CACNA1D: variants seen among roughly 807,000 people sequenced by gnomAD.
CACNA1D encodes voltage-dependent L-type calcium channel subunit alpha-1D.
CACNA1D carries 55 observed loss-of-function variants against 257.1 expected under a neutral mutation model. The ratio of observed to expected loss-of-function variants is 0.21; its 90% confidence interval spans 0.17 to 0.27. The LOEUF (loss-of-function observed/expected upper bound fraction) is 0.27. CACNA1D is among the 10% of genes least tolerant of loss of function. CACNA1D has a pLI of 1.00. For synonymous variants in CACNA1D, 980 were observed against 1,014.9 expected (o/e 0.97, Z 0.65); for missense variants, 1,876 against 2,784.0 (o/e 0.67, Z 7.34).
Position 53,776,642 on chromosome 3 carries a change from G to A in CACNA1D, c.4402G>A (p.Asp1468Asn). 3 of 1,614,082 alleles carry A rather than the reference G, an allele frequency of 1.9e-6. No homozygotes were observed. Among genetic ancestry groups the A allele is most frequent in the Non-Finnish European group, 2.5e-6 (3 of 1,180,018 alleles). The change falls in exon 36 of 48, where the codon GAC (aspartate) becomes AAC (asparagine). Residue 1468 changes from aspartate (D) to asparagine (N), a missense_variant. By Grantham distance (23) the Asp-to-Asn change is conservative. Coordinates refer to ENST00000350061, the MANE Select transcript of CACNA1D (RefSeq NM_001128840.3). ...TGTGGCTGTCATCATGGATAATTTC[G>A]ACTATCTGACCCGGGACTGGTCTAT... ...LFVAVIMDNF[D>N]YLTRDWSILG...
chr3:53,730,498 A>C lies in CACNA1D; in HGVS notation c.2278A>C (p.Ser760Arg), dbSNP rs1356667837. 1.2e-6 allele frequency: 2 copies of C among 1,614,092 alleles called. No homozygotes were observed. Among genetic ancestry groups the C allele is most frequent in the Non-Finnish European group, 1.7e-6 (2 of 1,180,010 alleles). Residue 760 changes from serine (S) to arginine (R), a missense_variant, in exon 16 of 48, where the codon AGT (serine) becomes CGT (arginine). Ser to Arg is a moderately radical substitution (Grantham distance 110). Around this residue, in one of 10 missense-constraint regions of CACNA1D, gnomAD observed 257 missense variants for 399.7 expected, o/e 0.64. Coordinates refer to ENST00000350061, the MANE Select transcript of CACNA1D (RefSeq NM_001128840.3). Reference sequence around the variant, plus strand: ...TGTAGACAATTTGGCTGATGCTGAAAGTCTGAACACTGCTCAGAAAGAAGA... The same window carrying C: ...TGTAGACAATTTGGCTGATGCTGAACGTCTGAACACTGCTCAGAAAGAAGA... ...IAVDNLADAESLNTAQKEEAE... is the reference protein window; with the variant it reads ...IAVDNLADAERLNTAQKEEAE...
intron 3 of CACNA1D, among the ~76,000 whole-genome samples, chr3:53,598,792 C>T (rs1283113183): frequency 2.0e-5 from 3 of 152,126 alleles, no homozygotes; most frequent in Admixed American, 2.0e-4. Context: ...GAGGCTGGGC[C>T]ATAGCTGGCA....
At chr3:53,501,762 A>G in intron 3 of CACNA1D, 42 bp downstream of exon 3, 1 of 1,113,582 alleles carries the variant, frequency 9.0e-7, no homozygotes, top group Non-Finnish European at 1.4e-6. Context: ...GTATATGGTT[A>G]TCATTTGCTT....
At chr3:53,756,269 A>G (rs1276050902) in intron 29 of CACNA1D, among the ~76,000 whole-genome samples, 1 of 152,184 alleles carries the variant, frequency 6.6e-6, no homozygotes, top group Non-Finnish European at 1.5e-5. Flanking sequence ...TTGATGGAGA[A>G]ACTGGGCCTC....
intron 3 of CACNA1D, among the ~76,000 whole-genome samples, chr3:53,620,382 C>T (rs952077408): frequency 1.3e-5 from 2 of 152,218 alleles, no homozygotes; most frequent in Admixed American, 1.3e-4. Flanking sequence ...CCTTGAATTC[C>T]TGGGCTCAAG....
Position 53,673,770 on chromosome 3 carries a change from C to G in CACNA1D, c.1220+644C>G. ...GGTGTATTTTGTTAGTCTGATCATCCTTGGCTCATTTTTCGTCCTTAACCT... is the reference window on the plus strand; with the variant it reads ...GGTGTATTTTGTTAGTCTGATCATCGTTGGCTCATTTTTCGTCCTTAACCT... On this transcript the variant is annotated intron_variant, in intron 8 of 47. Transcript: ENST00000350061. This position sits in a 1 kb window ranked among gnomAD's most constrained non-coding sequence, Gnocchi z 4.1. 6.2e-7 allele frequency: 1 copy of G among 1,613,976 alleles called. No individual in the cohort carries two copies. Among genetic ancestry groups the G allele is most frequent in the Non-Finnish European group, 8.5e-7 (1 of 1,179,896 alleles).
intron 3 of CACNA1D, among the ~76,000 whole-genome samples, chr3:53,598,709 T>C (rs970138846): frequency 1.3e-5 from 2 of 152,204 alleles, no homozygotes; most frequent in African/African-American, 4.8e-5. Flanking sequence ...AAAGCCTGGC[T>C]TCAGAAGAAT....
At position 53,774,626 on chromosome 3, in the gene CACNA1D, A is replaced by G. The variant is rs1472211329; in HGVS notation, c.4150A>G (p.Asn1384Asp). Reference protein sequence around the residue: ...KVAMRDNNQINRNNNFQTFPQ... With the variant: ...KVAMRDNNQIDRNNNFQTFPQ... ...TGCCATGAGAGATAACAACCAGATCAATAGGAACAATAACTTCCAGACGTT... is the reference window on the plus strand; with the variant it reads ...TGCCATGAGAGATAACAACCAGATCGATAGGAACAATAACTTCCAGACGTT... The change falls in exon 34 of 48, where the codon AAT (asparagine) becomes GAT (aspartate). Residue 1384 changes from asparagine (N) to aspartate (D), a missense_variant. Physicochemically the swap from Asn to Asp is conservative, Grantham distance 23. Coordinates refer to ENST00000350061, the MANE Select transcript of CACNA1D (RefSeq NM_001128840.3). This position sits in a 1 kb window ranked among gnomAD's most constrained non-coding sequence, Gnocchi z 4.3. 1.2e-6 allele frequency: 2 copies of G among 1,612,370 alleles called. No individual in the cohort carries two copies. The highest frequency in any genetic ancestry group is 1.3e-5 in the African/African-American group (1 of 74,868).
intron 8 of CACNA1D, among the ~76,000 whole-genome samples, chr3:53,683,145 G>A (rs904304715): frequency 1.3e-5 from 2 of 152,176 alleles, no homozygotes; most frequent in African/African-American, 4.8e-5. Flanking sequence ...TCAGAGTGGA[G>A]GTTCTTTGAA....
Position 53,800,887 on chromosome 3 carries a change from A to G in CACNA1D, c.5041-171A>G. 2 of 679,172 alleles carry G rather than the reference A, an allele frequency of 2.9e-6. No homozygotes were observed. Among genetic ancestry groups the G allele is most frequent in the Non-Finnish European group, 5.2e-6 (2 of 386,094 alleles). The allele number at this position is 679,172 out of a possible 1,614,324, so 42.1% of individuals were successfully genotyped here. A position where few individuals can be genotyped will look rare whatever the true frequency, so the allele number is the denominator to read the frequency against. On this transcript the variant is annotated intron_variant, in intron 41 of 47. Transcript: ENST00000350061. The surrounding 1 kb of genome is among the most constrained non-coding windows in gnomAD (Gnocchi z 4.3). ...AACCTTCCTCATCTCGGGGGGACCA[A>G]CTGCCACACAGTCACATTCACCCTG...
At chr3:53,763,753 G>A (rs1043969566) in intron 30 of CACNA1D, among the ~76,000 whole-genome samples, 17 of 152,298 alleles carry the variant, frequency 1.1e-4, no homozygotes, top group East Asian at 1.9e-4. Context: ...TGATCCTGGC[G>A]TGTGAATAGT....
intron 3 of CACNA1D, among the ~76,000 whole-genome samples, chr3:53,566,955 T>C (rs1002539935): frequency 6.6e-6 from 1 of 152,234 alleles, no homozygotes; most frequent in Non-Finnish European, 1.5e-5. Flanking sequence ...TCTTCAGCTA[T>C]CTGTTAAGAA....
chr3:53,800,958 GCC>G lies in CACNA1D; in HGVS notation c.5041-99_5041-98del. On this transcript the variant is annotated intron_variant, in intron 41 of 47. Transcript: ENST00000350061. This position sits in a 1 kb window ranked among gnomAD's most constrained non-coding sequence, Gnocchi z 4.3. ...GTTTTACAGGGATCCTACGGAGCTT[GCC>G]TAGAATTTGTTTTTCATGTAGAAAA... The G allele has an allele frequency of 8.8e-7, 1 of 1,141,198 alleles. No homozygotes were observed. Among genetic ancestry groups the G allele is most frequent in the Non-Finnish European group, 1.3e-6 (1 of 756,316 alleles). The allele number at this position is 1,141,198 out of a possible 1,614,324, so 70.7% of individuals were successfully genotyped here.
At chr3:53,667,796 T>G (rs1479629621) in intron 7 of CACNA1D, among the ~76,000 whole-genome samples, 2 of 152,092 alleles carry the variant, frequency 1.3e-5, no homozygotes, top group African/African-American at 2.4e-5. Flanking sequence ...TTCCCTTTCT[T>G]TTTCTGATTG....
intron 9 of CACNA1D, 148 bp downstream of exon 9, chr3:53,702,958 G>A: frequency 2.4e-6 from 2 of 836,920 alleles, no homozygotes; most frequent in Non-Finnish European, 4.0e-6. Context: ...ACACATCACG[G>A]AGAGAACAGG....
chr3:53,522,874 C>G (rs2091631326), intron 3 of CACNA1D, among the ~76,000 whole-genome samples: 1 of 152,226 alleles, frequency 6.6e-6, no homozygotes, highest in South Asian at 2.1e-4. Context: ...TTTCTTCCAT[C>G]TAACTGTGTG....
intron 19 of CACNA1D, among the ~76,000 whole-genome samples, chr3:53,734,549 G>T (rs981548958): frequency 8.5e-5 from 13 of 152,104 alleles, no homozygotes; most frequent in African/African-American, 2.9e-4. Context: ...TGAGGGTATG[G>T]ATAACCAGTT....
At chr3:53,582,717 C>A (rs1285712041) in intron 3 of CACNA1D, among the ~76,000 whole-genome samples, 2 of 152,092 alleles carry the variant, frequency 1.3e-5, no homozygotes, top group African/African-American at 4.8e-5. Context: ...CCTCCCAAGC[C>A]CCCCACTGCC....
At chr3:53,601,663 A>G (rs2093443975) in intron 3 of CACNA1D, among the ~76,000 whole-genome samples, 1 of 152,208 alleles carries the variant, frequency 6.6e-6, no homozygotes, top group African/African-American at 2.4e-5. Context: ...TAGTAGTAAC[A>G]ACAATAATGA....
Sources: allele counts gnomAD v4.1 joint callset (sites outside exome capture counted in the v4.1 genomes callset), GRCh38; gene constraint gnomAD v4.1.1; regional missense constraint gnomAD v4.1.1; non-coding constraint Gnocchi (gnomAD v3.1); transcripts MANE v1.5; gene names NCBI Gene and HGNC (gene_info 2026-07-23, HGNC 2026-07-21).